Variants in ANO10 observed in about 807,000 individuals in gnomAD.
ANO10 encodes the protein anoctamin 10, also known as anoctamin-10.
ANO10 carries 77 observed loss-of-function variants against 74.7 expected under a neutral mutation model. That is an observed-to-expected ratio of 1.03 (90% confidence interval 0.86 to 1.25). The LOEUF (loss-of-function observed/expected upper bound fraction) is 1.25, where lower values mean the gene tolerates loss of function less well. Among genes scored for constraint, ANO10 ranks in the 50% most tolerant of loss-of-function variants. The probability of loss-of-function intolerance (pLI) is 0.00; values close to 1 mark genes in which losing one functional copy is unlikely to be tolerated. For synonymous variants in ANO10, 279 were observed against 284.9 expected (o/e 0.98, Z 0.21); for missense variants, 721 against 778.1 (o/e 0.93, Z 0.87).
In ANO10 at chr3:43,618,968, A is replaced by AT. The variant is rs957042467; in HGVS notation, c.-12+2940dup. Among the ~76,000 whole-genome samples the AT allele has an allele frequency of 1.5e-4, 22 of 151,452 alleles. No homozygotes were observed. In the East Asian group the frequency reaches 2.9e-3, roughly 20 times the overall value. On this transcript the variant is annotated intron_variant, in intron 1 of 12. Transcript: ENST00000292246. ...AGGCATCCGCCACCATGCTCGGCTA[A>AT]TTTTTTTTTGTATTTTTAGTGGAGA...
chr3:43,373,170 G>T (rs2125677964), intron 12 of ANO10, among the ~76,000 whole-genome samples: 1 of 151,888 alleles, frequency 6.6e-6, no homozygotes, highest in East Asian at 1.9e-4. Flanking sequence ...GGGTGAAGGG[G>T]TGGGTGGCAG....
intron 12 of ANO10, among the ~76,000 whole-genome samples, chr3:43,387,060 T>G (rs1029716931): frequency 2.0e-5 from 3 of 152,216 alleles, no homozygotes; most frequent in African/African-American, 7.2e-5. Context: ...TCAGGCAATT[T>G]TGTTGCACTG....
chr3:43,562,459 A>C (rs559029131), intron 8 of ANO10, among the ~76,000 whole-genome samples: 1 of 146,942 alleles, frequency 6.8e-6, no homozygotes, highest in African/African-American at 2.5e-5. Context: ...CTCAAACAAA[A>C]AAAAAAAAAA....
At chr3:43,639,717 A>C (rs1025225289) in intron 1 of ANO10, among the ~76,000 whole-genome samples, 2 of 151,790 alleles carry the variant, frequency 1.3e-5, no homozygotes. Flanking sequence ...CGGAGGTTGC[A>C]GTGAGCTGAG....
At chr3:43,589,982 G>A (rs1234863971) in intron 4 of ANO10, among the ~76,000 whole-genome samples, 1 of 152,182 alleles carries the variant, frequency 6.6e-6, no homozygotes, top group East Asian at 1.9e-4. Context: ...ATATAATAGG[G>A]AGGGAACAAA....
rs1575428179 is a variant in ANO10 at position 43,561,395 on chromosome 3, G to A, written c.1301C>T (p.Ala434Val). ...GATCTGGGAGGTAATTAGGAGAGTG[G>A]CCAAGCTCTAAAGAGAAGCACACAA... ...KDMKLLRQSLATLLITSQILN... is the reference protein window; with the variant it reads ...KDMKLLRQSLVTLLITSQILN... The change falls in exon 9 of 13, where the codon GCC (alanine) becomes GTC (valine). Residue 434 changes from alanine to valine, a missense_variant. Transcript: ENST00000292246. 3.1e-6 allele frequency: 5 copies of A among 1,613,970 alleles called. No homozygotes were observed. In the South Asian group the frequency reaches 3.3e-5, roughly 11 times the overall value.
intron 12 of ANO10, among the ~76,000 whole-genome samples, chr3:43,371,486 C>T (rs1252928823): frequency 2.0e-5 from 3 of 152,186 alleles, no homozygotes; most frequent in African/African-American, 4.8e-5. Context: ...TTTAATGCAC[C>T]TAAGTGTGGC....
chr3:43,675,364 T>G (rs1156724580), intron 1 of ANO10, among the ~76,000 whole-genome samples: 1 of 152,140 alleles, frequency 6.6e-6, no homozygotes, highest in Admixed American at 6.5e-5. Context: ...GCATAATCCA[T>G]TTTTAGAAAT....
chr3:43,654,122 A>G (rs565852984), intron 1 of ANO10, among the ~76,000 whole-genome samples: 107 of 152,282 alleles, frequency 7.0e-4, no homozygotes, highest in African/African-American at 2.4e-3. Context: ...TTTGGACTTC[A>G]AACTATAAAC....
chr3:43,596,154 G>A (rs1281274078), intron 4 of ANO10, among the ~76,000 whole-genome samples: 2 of 152,166 alleles, frequency 1.3e-5, no homozygotes, highest in Admixed American at 6.5e-5. Context: ...TCATGGATAG[G>A]AAGAATCAAT....
intron 11 of ANO10, among the ~76,000 whole-genome samples, chr3:43,464,789 T>C (rs1445987775): frequency 6.6e-6 from 1 of 152,220 alleles, no homozygotes; most frequent in Non-Finnish European, 1.5e-5. Flanking sequence ...CAGAAAATTT[T>C]TGACAAACTT....
intron 12 of ANO10, among the ~76,000 whole-genome samples, chr3:43,375,752 A>G (rs9818582): frequency 0.48 from 72,530 of 151,980 alleles, 20,645 homozygotes; most frequent in Non-Finnish European, 0.64. Context: ...GAGCAACAGG[A>G]CAGTTTATTC....
chr3:43,425,406 C>A (rs2148923693), intron 12 of ANO10, among the ~76,000 whole-genome samples: 1 of 151,874 alleles, frequency 6.6e-6, no homozygotes, highest in Middle Eastern at 3.4e-3. Context: ...TTGAAAAAAA[C>A]CTATTAAATT....
At chr3:43,485,378 C>T in intron 11 of ANO10, 1 of 450,230 alleles carries the variant, frequency 2.2e-6, no homozygotes. Context: ...CGCTCCTGAT[C>T]GGGCTAAAGA....
chr3:43,478,088 A>G (rs1029583993), intron 11 of ANO10, among the ~76,000 whole-genome samples: 2 of 152,178 alleles, frequency 1.3e-5, no homozygotes, highest in Non-Finnish European at 2.9e-5. Context: ...TGAGGCAGAA[A>G]CTACATTTAT....
intron 1 of ANO10, among the ~76,000 whole-genome samples, chr3:43,686,775 G>C (rs1325134606): frequency 1.3e-5 from 2 of 152,204 alleles, no homozygotes; most frequent in Admixed American, 6.5e-5. Flanking sequence ...TGTGGGTCTA[G>C]AACATTTCCA....
In ANO10 at chr3:43,447,898, G is replaced by A. The variant is rs1206606852; in HGVS notation, c.1798-15171C>T. Among the ~76,000 whole-genome samples, 3 of 152,118 alleles carry A rather than the reference G, an allele frequency of 2.0e-5. No homozygotes were observed. In the East Asian group the frequency reaches 5.8e-4, roughly 29 times the overall value. On this transcript the variant is annotated intron_variant, in intron 11 of 12. Transcript: ENST00000292246. Reference sequence around the variant, plus strand: ...GTTTACATTAGGGTTCACTATACAGGTTTTCACAAATGCATTGTTATGGCT... The same window carrying A: ...GTTTACATTAGGGTTCACTATACAGATTTTCACAAATGCATTGTTATGGCT...
upstream of ANO10, among the ~76,000 whole-genome samples, chr3:43,623,954 A>C (rs145059295): frequency 1.3e-5 from 2 of 152,270 alleles, no homozygotes; most frequent in African/African-American, 4.8e-5. Flanking sequence ...TTATCTTCTC[A>C]TCCTAGAACG....
rs1425592012 is a variant in ANO10, at chr3:43,577,195, A to C, written c.659T>G (p.Phe220Cys). ...LYFGFLEYFT[F>C]ALIPMAVIGL... ...AATGACAGCCATGGGGATTAATGCA[A>C]AAGTGAAATACTCCAAAAATCCAAA... Residue 220 changes from phenylalanine to cysteine, a missense_variant, in exon 6 of 13, where the codon TTT becomes TGT. Coordinates refer to ENST00000292246, the MANE Select transcript of ANO10 (RefSeq NM_018075.5). The C allele has an allele frequency of 6.2e-7, 1 of 1,614,198 alleles. No homozygotes were observed. The highest frequency in any genetic ancestry group is 8.5e-7 in the Non-Finnish European group (1 of 1,180,018).
Sources: gnomAD v4.1 joint callset for allele counts (sites outside exome capture counted in the v4.1 genomes callset) on GRCh38, gnomAD v4.1.1 for gene constraint, MANE v1.5 for transcripts, NCBI Gene and HGNC (gene_info 2026-07-23, HGNC 2026-07-21) for gene names.